Variants in SPAG17 observed in about 807,000 individuals in gnomAD.
The protein encoded by SPAG17 is sperm associated antigen 17, also known as sperm-associated antigen 17.
Under a neutral mutation model 273.6 loss-of-function variants are expected in SPAG17, and 169 were observed. The observed-to-expected ratio is 0.62, with a 90% CI of 0.55 to 0.70. The LOEUF (loss-of-function observed/expected upper bound fraction) is 0.70. SPAG17 is among the 30% of genes least tolerant of loss of function. SPAG17 has a pLI of 0.00. For missense variants in SPAG17, 2,557 were observed against 2,627.8 expected (o/e 0.97, Z 0.59); for synonymous variants, 825 against 873.2 (o/e 0.94, Z 0.97).
At chr1:118,068,564 G>A (rs1009662023) in intron 17 of SPAG17, among the ~76,000 whole-genome samples, 1 of 152,060 alleles carries the variant, frequency 6.6e-6, no homozygotes, top group Admixed American at 6.5e-5. Flanking sequence ...AACTATAGCT[G>A]CTCTCAATCA....
chr1:118,123,881 T>C lies in SPAG17; in HGVS notation c.316-8440A>G, dbSNP rs1314757377. Among the ~76,000 whole-genome samples the C allele has an allele frequency of 2.6e-5, 4 of 152,174 alleles. No individual in the cohort carries two copies. In the East Asian group the frequency reaches 5.8e-4, roughly 22 times the overall value. On this transcript the variant is annotated intron_variant, in intron 3 of 48. Coordinates refer to ENST00000336338, the MANE Select transcript of SPAG17 (RefSeq NM_206996.4). The stretch of plus-strand genomic sequence containing the variant: ...GCAGCAATAACAAATACATGGAAGG[T>C]AGAACAGATCTATGCTTTAACAGAC...
intron 46 of SPAG17, among the ~76,000 whole-genome samples, chr1:117,968,758 A>G (rs1481824595): frequency 6.6e-6 from 1 of 152,234 alleles, no homozygotes; most frequent in Non-Finnish European, 1.5e-5. Context: ...CTTCAGACTC[A>G]GGGAGCATTG....
At chr1:117,989,522 C>T (rs1216306534) in intron 38 of SPAG17, among the ~76,000 whole-genome samples, 1 of 151,920 alleles carries the variant, frequency 6.6e-6, no homozygotes, top group African/African-American at 2.4e-5. Context: ...ACCCCCATGA[C>T]CCAAACACCT....
At chr1:118,062,612 T>C (rs952104841) in intron 18 of SPAG17, among the ~76,000 whole-genome samples, 1 of 152,000 alleles carries the variant, frequency 6.6e-6, no homozygotes, top group Admixed American at 6.5e-5. Flanking sequence ...ATAACCTCCA[T>C]ATGCATGAAG....
At chr1:118,104,601 A>G (rs1656273721) in intron 4 of SPAG17, among the ~76,000 whole-genome samples, 1 of 152,242 alleles carries the variant, frequency 6.6e-6, no homozygotes, top group Non-Finnish European at 1.5e-5. Context: ...TAGAGACTCC[A>G]ATGCTTACCA....
Position 118,016,769 on chromosome 1 carries a change from C to T in SPAG17, c.4070-587G>A, listed in dbSNP as rs941159434. Among the ~76,000 whole-genome samples the T allele has an allele frequency of 2.0e-5, 3 of 152,176 alleles. No homozygotes were observed. In the South Asian group the frequency reaches 6.2e-4, roughly 31 times the overall value. ...TTAGTACATCAACAATTGTCTGATA[C>T]ATTTTCCTCTCCATCCTTTACCTCC... On this transcript the variant is annotated intron_variant, in intron 28 of 48. Coordinates refer to ENST00000336338, the MANE Select transcript of SPAG17 (RefSeq NM_206996.4).
intron 7 of SPAG17, 75 bp from the exon 8 acceptor site, chr1:118,093,392 T>G: frequency 7.3e-7 from 1 of 1,368,758 alleles, no homozygotes; most frequent in Admixed American, 2.3e-5. Context: ...TATATATCTC[T>G]TAACAGTTAT....
chr1:118,164,479 A>G (rs1660070213), intron 1 of SPAG17, among the ~76,000 whole-genome samples: 1 of 152,214 alleles, frequency 6.6e-6, no homozygotes, highest in East Asian at 1.9e-4. Flanking sequence ...ATTCTCTCAG[A>G]TATGCAATCA....
Position 118,005,605 on chromosome 1 carries a change from G to T in SPAG17, c.4588-3C>A. On this transcript the variant is annotated splice_polypyrimidine_tract_variant and splice_region_variant and intron_variant, in intron 31 of 48. Coordinates refer to ENST00000336338, the MANE Select transcript of SPAG17 (RefSeq NM_206996.4). Reference sequence around the variant, plus strand: ...GAGCCTGTGTTTGGAGGTAACACCTGAAAGAGTAACAGAAAGACAGAAATT... The same window carrying T: ...GAGCCTGTGTTTGGAGGTAACACCTTAAAGAGTAACAGAAAGACAGAAATT... The T allele has an allele frequency of 6.9e-7, 1 of 1,458,164 alleles. No homozygotes were observed. The highest frequency in any genetic ancestry group is 9.1e-7 in the Non-Finnish European group (1 of 1,101,114). The allele number at this position is 1,458,164 out of a possible 1,614,324, so 90.3% of individuals were successfully genotyped here. A position where few individuals can be genotyped will look rare whatever the true frequency, so the allele number is the denominator to read the frequency against.
At position 117,981,385 on chromosome 1, in the gene SPAG17, C is replaced by G; in HGVS notation, c.5889G>C (p.Lys1963Asn). ...SDLNLDFKPH[K>N]VSEQKSSSVP... is the part of the protein sequence containing the mutation. Reference sequence around the variant, plus strand: ...CACTTGAGGATTTCTGTTCTGAAACCTTATGTGGCTTGAAATCTAGAAAAC... The same window carrying G: ...CACTTGAGGATTTCTGTTCTGAAACGTTATGTGGCTTGAAATCTAGAAAAC... Residue 1963 changes from lysine (K) to asparagine (N), a missense_variant, in exon 43 of 49, where the codon AAG becomes AAC. By Grantham distance (94) the Lys-to-Asn change is moderately conservative. Transcript: ENST00000336338. 6.3e-7 allele frequency: 1 copy of G among 1,591,858 alleles called. No individual in the cohort carries two copies. The highest frequency in any genetic ancestry group is 8.5e-7 in the Non-Finnish European group (1 of 1,174,732).
intron 47 of SPAG17, chr1:117,965,059 A>G (rs1392592777): frequency 6.6e-6 from 1 of 152,244 alleles, no homozygotes; most frequent in African/African-American, 2.4e-5. Context: ...ATCCTTGAGT[A>G]ACATATTCTC....
At chr1:118,078,876 T>G (rs1654316665) in intron 15 of SPAG17, among the ~76,000 whole-genome samples, 2 of 152,088 alleles carry the variant, frequency 1.3e-5, no homozygotes, top group Admixed American at 1.3e-4. Context: ...GATTTTACAA[T>G]GTATATATTT....
intron 32 of SPAG17, among the ~76,000 whole-genome samples, chr1:117,998,904 C>T (rs930344638): frequency 5.3e-5 from 8 of 152,046 alleles, no homozygotes; most frequent in African/African-American, 1.9e-4. Flanking sequence ...CATAGGTATA[C>T]ATGTGCCATA....
In SPAG17 at chr1:118,081,199, T is replaced by C; in HGVS notation, c.2111A>G (p.His704Arg). The change falls in exon 15 of 49, where the codon CAT becomes CGT. Residue 704 changes from histidine to arginine, a missense_variant. By Grantham distance (29) the His-to-Arg change is conservative. Coordinates refer to ENST00000336338, the MANE Select transcript of SPAG17 (RefSeq NM_206996.4). The stretch of plus-strand genomic sequence containing the variant: ...GAGTTTGAGATTATTCAAGTCAGAA[T>C]GCTTCATATTGTTAGCATCACACTG... ...PSQCDANNMK[H>R]SDLNNLKLSV... The C allele has an allele frequency of 6.2e-7, 1 of 1,614,088 alleles. No homozygotes were observed. Among genetic ancestry groups the C allele is most frequent in the Non-Finnish European group, 8.5e-7 (1 of 1,180,004 alleles).
intron 1 of SPAG17, among the ~76,000 whole-genome samples, chr1:118,179,664 G>A (rs890057864): frequency 4.6e-5 from 7 of 151,908 alleles, no homozygotes; most frequent in African/African-American, 1.7e-4. Context: ...AACTCATGGA[G>A]TGGGAGAAGA....
rs775526337 is a variant in SPAG17 at position 118,185,081 on chromosome 1, T to C, written c.77A>G (p.Gln26Arg). ...KIWEPSLIAA[Q>R]FNQNDWQASI... ...GGGCTCAAGGCTCACCTGATTGAAC[T>C]GTGCAGCTATGAGCGAGGGTTCCCA... Residue 26 changes from glutamine to arginine, a missense_variant, in exon 1 of 49, where the codon CAG (glutamine) becomes CGG (arginine). Gln to Arg is a conservative substitution (Grantham distance 43, BLOSUM62 1). Transcript: ENST00000336338. 9 of 1,614,088 alleles carry C rather than the reference T, an allele frequency of 5.6e-6. No individual in the cohort carries two copies. In the Admixed American group the frequency reaches 1.5e-4, roughly 27 times the overall value.
intron 28 of SPAG17, among the ~76,000 whole-genome samples, chr1:118,020,461 A>G (rs770374380): frequency 6.6e-6 from 1 of 152,050 alleles, no homozygotes; most frequent in Non-Finnish European, 1.5e-5. Context: ...AAAGAAAGAA[A>G]GGAAGTCATT....
intron 28 of SPAG17, among the ~76,000 whole-genome samples, chr1:118,017,380 G>A (rs1660078447): frequency 6.6e-6 from 1 of 151,976 alleles, no homozygotes; most frequent in Admixed American, 6.6e-5. Context: ...AATACAATGG[G>A]GTAAAGAATA....
At chr1:118,022,814 G>T (rs1647265762) in intron 28 of SPAG17, among the ~76,000 whole-genome samples, 1 of 152,174 alleles carries the variant, frequency 6.6e-6, no homozygotes, top group Non-Finnish European at 1.5e-5. Flanking sequence ...GTCTGCTGGG[G>T]TGACAGGTGG....
Sources: gnomAD v4.1 joint callset for allele counts (sites outside exome capture counted in the v4.1 genomes callset) on GRCh38, gnomAD v4.1.1 for gene constraint, MANE v1.5 for transcripts, NCBI Gene and HGNC (gene_info 2026-07-23, HGNC 2026-07-21) for gene names.